Variants in SLC22A12 observed in about 807,000 individuals in gnomAD.
SLC22A12 encodes organic anion transporter 4-like protein.
In SLC22A12, 56 loss-of-function variants were observed where a neutral mutation model predicts 52.7. That is an observed-to-expected ratio of 1.06 (90% CI 0.86 to 1.33). The LOEUF (loss-of-function observed/expected upper bound fraction) is 1.33, where lower values mean the gene tolerates loss of function less well. Among genes scored for constraint, SLC22A12 ranks in the 40% most tolerant of loss-of-function variants. The pLI, the probability that SLC22A12 is intolerant of heterozygous loss-of-function variation, is 0.00. For synonymous variants in SLC22A12, 337 were observed against 324.6 expected, an observed-to-expected ratio of 1.04 and a Z score of -0.41; for missense variants, 683 against 741.5, an observed-to-expected ratio of 0.92 and a Z score of 0.92.
chr11:64,593,490 G>C lies in SLC22A12; in HGVS notation c.592G>C (p.Val198Leu). The change falls in exon 3 of 10, where the codon GTG (valine) becomes CTG (leucine). Residue 198 changes from valine (V) to leucine (L), a missense_variant. Transcript: ENST00000377574. ...TAAAFAPAFP[V>L]YCLFRFLLAF... ...AGCTGCCTTCGCCCCTGCCTTCCCC[G>C]TGTACTGCCTGTTCCGCTTCCTGTT... The C allele has an allele frequency of 1.2e-6, 2 of 1,614,146 alleles. No homozygotes were observed. The highest frequency in any genetic ancestry group is 1.1e-5 in the South Asian group (1 of 91,090).
rs759448335 is a variant in SLC22A12, at chr11:64,598,616, G to C, written c.931G>C (p.Val311Leu). Residue 311 changes from valine (V) to leucine (L), a missense_variant, in exon 5 of 10, where the codon GTG becomes CTG. By Grantham distance (32) the Val-to-Leu change is conservative. Coordinates refer to ENST00000377574, the MANE Select transcript of SLC22A12 (RefSeq NM_144585.4). ...GGCTGCCATCAACGGAAAGGGGGCA[G>C]TGCAGGACACCCTGACCCCTGAGGT... The part of the protein sequence containing the change: ...RVAAINGKGA[V>L]QDTLTPEVLL... 6.2e-7 allele frequency: 1 copy of C among 1,611,182 alleles called. No homozygotes were observed. Among genetic ancestry groups the C allele is most frequent in the Admixed American group, 1.7e-5 (1 of 59,816 alleles).
chr11:64,597,486 A>G (rs894239819), intron 4 of SLC22A12, among the ~76,000 whole-genome samples: 1 of 151,682 alleles, frequency 6.6e-6, no homozygotes. Flanking sequence ...CCCTGAACTC[A>G]CCAGAGTCAC....
At position 64,596,319 on chromosome 11, in the gene SLC22A12, A is replaced by AATGG. The variant is rs767853082; in HGVS notation, c.831-2180_831-2177dup. Among the ~76,000 whole-genome samples, 4 of 53,838 alleles carry AATGG rather than the reference A, an allele frequency of 7.4e-5. No homozygotes were observed. The East Asian group carries it at 2.0e-3, about 27-fold the overall frequency. 35.3% of individuals were successfully genotyped at this position (53,838 alleles called of 152,430 possible). On this transcript the variant is annotated intron_variant, in intron 4 of 9. Coordinates refer to ENST00000377574, the MANE Select transcript of SLC22A12 (RefSeq NM_144585.4). ...GAATGGATGGTTGAATGGATGGTTG[A>AATGG]ATGGATGGATGGATGGATGGGTGGA...
Position 64,600,938 on chromosome 11 carries a change from A to T in SLC22A12, c.1598A>T (p.Gln533Leu). The change falls in exon 9 of 10, where the codon CAG becomes CTG. Residue 533 changes from glutamine to leucine, a missense_variant and splice_region_variant. Gln to Leu is a moderately radical substitution (Grantham distance 113). Transcript: ENST00000377574. ...GACACCATCCAAGATGTGCAGAACC[A>T]GTGAGTGGACCCAGCCTCGGGACCA... is the stretch of plus-strand genomic sequence containing the variant. ...LPDTIQDVQNQAVKKATHGTL... is the reference protein window; with the variant it reads ...LPDTIQDVQNLAVKKATHGTL... The T allele has an allele frequency of 1.2e-6, 2 of 1,607,776 alleles. No individual in the cohort carries two copies. The highest frequency in any genetic ancestry group is 2.2e-5 in the South Asian group (2 of 91,052).
At chr11:64,599,591 G>GCC in intron 6 of SLC22A12, 85 bp from the exon 7 acceptor site, 18 of 617,166 alleles carry the variant, frequency 2.9e-5, no homozygotes, top group South Asian at 7.8e-5. Flanking sequence ...CCCACCCTGA[G>GCC]CCCCCACCGC....
chr11:64,597,445 TC>T (rs945618482), intron 4 of SLC22A12, among the ~76,000 whole-genome samples: 5 of 152,038 alleles, frequency 3.3e-5, no homozygotes, highest in Admixed American at 1.3e-4. Context: ...AGACCTCTCC[TC>T]CCCAAGTCTT....
chr11:64,598,772 C>T (rs914903219), intron 5 of SLC22A12, 36 bp from the exon 6 acceptor site: 35 of 1,611,396 alleles, frequency 2.2e-5, no homozygotes, highest in Non-Finnish European at 2.9e-5. Flanking sequence ...TGCCTGGCGC[C>T]CCCAGTGCCA....
intron 4 of SLC22A12, among the ~76,000 whole-genome samples, chr11:64,596,249 T>TGGATGGATGGATGGATG (rs2039220570): frequency 2.4e-5 from 2 of 82,864 alleles, no homozygotes; most frequent in Non-Finnish European, 4.6e-5. Context: ...ATGGATGGAA[T>TGGATGGATGGATGGATG]GGATGGATGG....
Position 64,600,358 on chromosome 11 carries a change from T to C in SLC22A12, c.1286-9T>C. ...CCACCAAGCTCACTAATCCCATCTC[T>C]ACCCACAGAAATGGGGGCTCTGCGC... On this transcript the variant is annotated splice_polypyrimidine_tract_variant and intron_variant, in intron 7 of 9. Transcript: ENST00000377574. 3 of 1,593,474 alleles carry C rather than the reference T, an allele frequency of 1.9e-6. No individual in the cohort carries two copies. The highest frequency in any genetic ancestry group is 1.7e-6 in the Non-Finnish European group (2 of 1,171,920).
intron 4 of SLC22A12, among the ~76,000 whole-genome samples, chr11:64,597,299 C>T (rs1450320730): frequency 6.6e-6 from 1 of 152,098 alleles, no homozygotes; most frequent in East Asian, 1.9e-4. Context: ...CTGCCTGCAG[C>T]CCCAGCTCCC....
At position 64,591,618 on chromosome 11, in the gene SLC22A12, C is replaced by T. The variant is rs1488921348; in HGVS notation, c.62C>T (p.Thr21Met). The stretch of plus-strand genomic sequence containing the variant: ...CTGGGCAGGTTCCAGGTTCTCCAGA[C>T]GATGGCTCTGATGGTCTCCATCATG... ...GGLGRFQVLQTMALMVSIMWL... is the reference protein window; with the variant it reads ...GGLGRFQVLQMMALMVSIMWL... The change falls in exon 1 of 10, where the codon ACG (threonine) becomes ATG (methionine). Residue 21 changes from threonine to methionine, a missense_variant. Transcript: ENST00000377574. The T allele has an allele frequency of 4.3e-6, 7 of 1,613,256 alleles. No homozygotes were observed. The highest frequency in any genetic ancestry group is 1.7e-5 in the Admixed American group (1 of 60,032).
At chr11:64,601,089 GGA>G in intron 9 of SLC22A12, 151 bp downstream of exon 9, 1 of 1,068,342 alleles carries the variant, frequency 9.4e-7, no homozygotes, top group Non-Finnish European at 1.4e-6. Context: ...TACATCTCTG[GGA>G]GAGTGGCAAC....
At position 64,600,740 on chromosome 11, in the gene SLC22A12, C is replaced by T. The variant is rs200104135; in HGVS notation, c.1400C>T (p.Thr467Met). 5.3e-4 allele frequency: 854 copies of T among 1,604,644 alleles called. 10 individuals carry two copies. In the South Asian group the frequency reaches 5.9e-3, roughly 11 times the overall value. ...SELFPTVLRM[T>M]AVGLGQMAAR... ...AGGTGCATCTGCATTGGCAGGATGA[C>T]GGCAGTGGGCTTGGGCCAGATGGCA... The change falls in exon 9 of 10, where the codon ACG becomes ATG. Residue 467 changes from threonine to methionine, a missense_variant. Coordinates refer to ENST00000377574, the MANE Select transcript of SLC22A12 (RefSeq NM_144585.4).
Position 64,601,630 on chromosome 11 carries a change from G to C in SLC22A12, c.*79G>C, listed in dbSNP as rs986121137. On this transcript the variant is annotated 3_prime_UTR_variant, in exon 10 of 10. Coordinates refer to ENST00000377574, the MANE Select transcript of SLC22A12 (RefSeq NM_144585.4). The stretch of plus-strand genomic sequence containing the variant: ...CTGGAGAAGGCAGGAGGAAAGCAAA[G>C]ACCTCCATTTCCAGAGGCCCAGAGG... 7.8e-5 allele frequency: 118 copies of C among 1,518,800 alleles called. No individual in the cohort carries two copies. Among genetic ancestry groups the C allele is most frequent in the Non-Finnish European group, 1.0e-4 (115 of 1,103,808 alleles). The allele number at this position is 1,518,800 out of a possible 1,614,324, so 94.1% of individuals were successfully genotyped here.
At chr11:64,598,408 TA>T in intron 4 of SLC22A12, 107 bp from the exon 5 acceptor site, 2 of 1,501,286 alleles carry the variant, frequency 1.3e-6, no homozygotes, top group Non-Finnish European at 1.8e-6. Flanking sequence ...TCAGCCGCCC[TA>T]AGCCTTGGGC....
chr11:64,598,945 C>A (rs1470268371), intron 6 of SLC22A12, 22 bp downstream of exon 6: 1 of 1,611,308 alleles, frequency 6.2e-7, no homozygotes, highest in Non-Finnish European at 8.5e-7. Flanking sequence ...TCCCCCAACC[C>A]CACCTCCACA....
intron 4 of SLC22A12, among the ~76,000 whole-genome samples, chr11:64,594,992 T>C (rs1591392019): frequency 8.6e-6 from 1 of 116,832 alleles, no homozygotes; most frequent in African/African-American, 3.4e-5. Context: ...GATGGGTGGA[T>C]GGATGGATGG....
rs751795756 is a variant in SLC22A12 at position 64,601,564 on chromosome 11, C to G, written c.*13C>G. 4.3e-6 allele frequency: 7 copies of G among 1,613,656 alleles called. No individual in the cohort carries two copies. The East Asian group carries it at 1.6e-4, about 36-fold the overall frequency. On this transcript the variant is annotated 3_prime_UTR_variant, in exon 10 of 10. Coordinates refer to ENST00000377574, the MANE Select transcript of SLC22A12 (RefSeq NM_144585.4). ...CACACAGTTTTAGCCTCCTGGGGAA[C>G]CTGCGATGGGACGGTCAGAGGAAGA...
chr11:64,593,085 A>C (rs1323478915), intron 2 of SLC22A12, among the ~76,000 whole-genome samples: 1 of 152,158 alleles, frequency 6.6e-6, no homozygotes, highest in East Asian at 1.9e-4. Context: ...GAGTTCACCA[A>C]CTTTACTCTG....
Sources: gnomAD v4.1 joint callset for allele counts (sites outside exome capture counted in the v4.1 genomes callset) on GRCh38, gnomAD v4.1.1 for gene constraint, MANE v1.5 for transcripts, NCBI Gene and HGNC (gene_info 2026-07-23, HGNC 2026-07-21) for gene names.